Variants in SLIT3 observed in about 807,000 individuals in gnomAD.
The protein encoded by SLIT3 is slit guidance ligand 3.
A neutral mutation model predicts 184.0 loss-of-function variants in SLIT3; 68 were observed. The observed-to-expected ratio is 0.37, with a 90% CI of 0.30 to 0.45. The LOEUF is 0.45. Among genes scored for constraint, SLIT3 ranks in the 20% least tolerant of loss-of-function variants. The pLI, the probability that SLIT3 is intolerant of heterozygous loss-of-function variation, is 1.00. For synonymous variants in SLIT3, 831 were observed against 828.6 expected (o/e 1.00, Z -0.05); for missense variants, 1,707 against 2,026.0 (o/e 0.84, Z 3.02).
chr5:168,944,803 A>G (rs1204617381), intron 4 of SLIT3, among the ~76,000 whole-genome samples: 1 of 152,092 alleles, frequency 6.6e-6, no homozygotes, highest in Non-Finnish European at 1.5e-5. Context: ...CCCCTAAGCT[A>G]CTTCGTATGG....
chr5:168,946,798 G>A (rs1438058411), intron 4 of SLIT3, among the ~76,000 whole-genome samples: 1 of 152,102 alleles, frequency 6.6e-6, no homozygotes, highest in Non-Finnish European at 1.5e-5. Flanking sequence ...TTACTCCAGG[G>A]TTTAGAAAGG....
chr5:169,204,488 T>C (rs193004739), intron 3 of SLIT3, among the ~76,000 whole-genome samples: 4 of 152,304 alleles, frequency 2.6e-5, no homozygotes, highest in East Asian at 3.9e-4. Context: ...AATCGTGACA[T>C]GCTTCAGTGC....
In SLIT3 at chr5:168,671,375, T is replaced by G; in HGVS notation, c.3950A>C (p.Asp1317Ala). Residue 1317 changes from aspartate to alanine, a missense_variant, in exon 34 of 36, where the codon GAC (aspartate) becomes GCC (alanine). By Grantham distance (126) the Asp-to-Ala change is moderately radical (BLOSUM62 -2). Transcript: ENST00000519560. ...HEVRINNELQDFKALPPQSLG... is the reference protein window; with the variant it reads ...HEVRINNELQAFKALPPQSLG... The stretch of plus-strand genomic sequence containing the variant: ...GGACTGTGGTGGGAGGGCCTTGAAG[T>G]CCTGCAGCTCGTTGTTGATGCGCAC... The G allele has an allele frequency of 6.2e-7, 1 of 1,614,128 alleles. No homozygotes were observed. The highest frequency in any genetic ancestry group is 8.5e-7 in the Non-Finnish European group (1 of 1,180,018).
At chr5:169,001,204 C>G (rs1428723942) in intron 4 of SLIT3, among the ~76,000 whole-genome samples, 1 of 152,186 alleles carries the variant, frequency 6.6e-6, no homozygotes, top group African/African-American at 2.4e-5. Flanking sequence ...CCTTTCAGCC[C>G]TTTCTGAGGA....
intron 3 of SLIT3, among the ~76,000 whole-genome samples, chr5:169,220,628 A>T (rs543589550): frequency 6.6e-6 from 1 of 152,378 alleles, no homozygotes; most frequent in South Asian, 2.1e-4. Flanking sequence ...GGGAACCAGA[A>T]ATTGGGTAAG....
Position 168,685,864 on chromosome 5 carries a change from G to A in SLIT3, c.3378C>T (p.Tyr1126=), listed in dbSNP as rs768265025. 41 of 1,613,782 alleles carry A rather than the reference G, an allele frequency of 2.5e-5. No individual in the cohort carries two copies. In the South Asian group the frequency reaches 3.0e-4, roughly 12 times the overall value. Reference sequence around the variant, plus strand: ...TGCACTGGGCCCCGTTCTGGCACTCGTACTGGTCGCATGGGCTGGTCTGCA... The same window carrying A: ...TGCACTGGGCCCCGTTCTGGCACTCATACTGGTCGCATGGGCTGGTCTGCA... ...VLLQTSPCDQ[Y]ECQNGAQCIV... The change falls in exon 31 of 36, where the codon TAC becomes TAT. Residue 1126 remains tyrosine, a synonymous_variant. Transcript: ENST00000519560.
intron 4 of SLIT3, among the ~76,000 whole-genome samples, chr5:168,962,889 CA>C (rs913389112): frequency 2.0e-5 from 3 of 152,194 alleles, no homozygotes; most frequent in African/African-American, 7.2e-5. Flanking sequence ...TCCCCTCCCT[CA>C]GGGCTCAGCT....
At chr5:169,007,268 A>G (rs181860941) in intron 4 of SLIT3, among the ~76,000 whole-genome samples, 1 of 152,186 alleles carries the variant, frequency 6.6e-6, no homozygotes, top group South Asian at 2.1e-4. Flanking sequence ...TAAATGACCC[A>G]GTCTCAGGTA....
intron 4 of SLIT3, among the ~76,000 whole-genome samples, chr5:168,910,202 G>C (rs1225175546): frequency 6.6e-6 from 1 of 152,154 alleles, no homozygotes; most frequent in East Asian, 1.9e-4. Flanking sequence ...AAGTCTGTGT[G>C]TTTACACGAT....
chr5:168,671,337 G>C lies in SLIT3; in HGVS notation c.3988C>G (p.Pro1330Ala). Reference sequence around the variant, plus strand: ...CACACGGTGCAGGACTTGCAGCCTGGTGACACCCCCAGGGACTGTGGTGGG... The same window carrying C: ...CACACGGTGCAGGACTTGCAGCCTGCTGACACCCCCAGGGACTGTGGTGGG... The part of the protein sequence containing the change: ...ALPPQSLGVS[P>A]GCKSCTVCKH... Residue 1330 changes from proline to alanine, a missense_variant, in exon 34 of 36, where the codon CCA (proline) becomes GCA (alanine). Coordinates refer to ENST00000519560, the MANE Select transcript of SLIT3 (RefSeq NM_003062.4). 1 of 1,614,120 alleles carries C rather than the reference G, an allele frequency of 6.2e-7. No homozygotes were observed. The highest frequency in any genetic ancestry group is 2.2e-5 in the East Asian group (1 of 44,874).
chr5:168,878,204 G>A (rs1759810888), intron 5 of SLIT3, among the ~76,000 whole-genome samples: 1 of 152,232 alleles, frequency 6.6e-6, no homozygotes, highest in South Asian at 2.1e-4. Context: ...TAGGCAAGTA[G>A]TGGAGAATGA....
intron 1 of SLIT3, among the ~76,000 whole-genome samples, chr5:169,289,720 G>T (rs1767275359): frequency 6.6e-6 from 1 of 152,218 alleles, no homozygotes; most frequent in Non-Finnish European, 1.5e-5. Context: ...GGGCAGTAGA[G>T]GGCAAGAAGC....
chr5:168,705,046 C>T (rs1762336465), intron 26 of SLIT3, among the ~76,000 whole-genome samples: 1 of 152,212 alleles, frequency 6.6e-6, no homozygotes, highest in Non-Finnish European at 1.5e-5. Flanking sequence ...CAAGGTCATG[C>T]ATCACATAGG....
chr5:169,083,820 C>T (rs997585818), intron 4 of SLIT3, among the ~76,000 whole-genome samples: 1 of 152,142 alleles, frequency 6.6e-6, no homozygotes, highest in Admixed American at 6.5e-5. Context: ...TGGAACTCTT[C>T]CTGTTTGTCT....
Position 168,952,462 on chromosome 5 carries a change from G to A in SLIT3, c.414-69126C>T, listed in dbSNP as rs1365180756. On this transcript the variant is annotated intron_variant, in intron 4 of 35. Coordinates refer to ENST00000519560, the MANE Select transcript of SLIT3 (RefSeq NM_003062.4). The stretch of plus-strand genomic sequence containing the variant: ...TGGCTGCATTCTGCACCAGGCACCC[G>A]GCCCTGTCACCCTCAGAAGTCCCCT... Among the ~76,000 whole-genome samples, 7 of 149,106 alleles carry A rather than the reference G, an allele frequency of 4.7e-5. No individual in the cohort carries two copies. The East Asian group carries it at 5.9e-4, about 13-fold the overall frequency.
At chr5:169,160,489 G>C (rs888513179) in intron 4 of SLIT3, among the ~76,000 whole-genome samples, 10 of 152,220 alleles carry the variant, frequency 6.6e-5, no homozygotes. Flanking sequence ...GCGATGATGA[G>C]TTCAGAAAAA....
At chr5:169,056,147 A>G (rs974770039) in intron 4 of SLIT3, among the ~76,000 whole-genome samples, 11 of 152,230 alleles carry the variant, frequency 7.2e-5, no homozygotes, top group Admixed American at 4.6e-4. Flanking sequence ...GGGGTATAAA[A>G]TCTTCTCCTC....
chr5:169,100,974 C>G (rs1282823990), intron 4 of SLIT3, among the ~76,000 whole-genome samples: 2 of 152,158 alleles, frequency 1.3e-5, no homozygotes, highest in African/African-American at 2.4e-5. Context: ...TGGGAGTCAG[C>G]GTGAAAGTTG....
At chr5:168,780,892 C>T (rs370586821) in intron 12 of SLIT3, among the ~76,000 whole-genome samples, 17 of 152,218 alleles carry the variant, frequency 1.1e-4, no homozygotes, top group African/African-American at 4.1e-4. Context: ...CCAATGACAG[C>T]TGATGCCATG....
Sources: allele counts gnomAD v4.1 joint callset (sites outside exome capture counted in the v4.1 genomes callset), GRCh38; gene constraint gnomAD v4.1.1; transcripts MANE v1.5; gene names NCBI Gene and HGNC (gene_info 2026-07-23, HGNC 2026-07-21).